Variants in TUNAR observed in about 807,000 individuals in gnomAD.
TUNAR encodes the protein transmembrane neural differentiation associated intracellular calcium regulator, also known as protein TUNAR.
chr14:95,920,791 TCCTTC>T (rs1889686373), intron 2 of TUNAR, among the ~76,000 whole-genome samples: 1 of 152,152 alleles, frequency 6.6e-6, no homozygotes, highest in Non-Finnish European at 1.5e-5. Context: ...CCGTTTGTGA[TCCTTC>T]CTGGATATGT....
intron 2 of TUNAR, among the ~76,000 whole-genome samples, chr14:95,885,005 G>A (rs1889052343): frequency 6.6e-6 from 1 of 152,146 alleles, no homozygotes; most frequent in Admixed American, 6.5e-5. Context: ...GGGAAAGATG[G>A]ACCATGTTGT....
At chr14:95,889,822 C>T (rs1889143813) in intron 2 of TUNAR, among the ~76,000 whole-genome samples, 1 of 152,172 alleles carries the variant, frequency 6.6e-6, no homozygotes, top group African/African-American at 2.4e-5. Context: ...TCTCCTGGCT[C>T]CTGCGTCTGA....
chr14:95,902,726 G>A (rs183967170), intron 2 of TUNAR, among the ~76,000 whole-genome samples: 6 of 152,122 alleles, frequency 3.9e-5, no homozygotes, highest in African/African-American at 9.7e-5. Flanking sequence ...TGCTTTCATC[G>A]TCTATTTGAA....
intron 2 of TUNAR, among the ~76,000 whole-genome samples, chr14:95,908,527 C>T (rs910533004): frequency 1.3e-5 from 2 of 152,216 alleles, no homozygotes; most frequent in African/African-American, 2.4e-5. Context: ...TACGCTGCCT[C>T]GTTTTGTCCT....
At chr14:95,886,545 C>CT (rs1889079532) in intron 2 of TUNAR, among the ~76,000 whole-genome samples, 1 of 152,246 alleles carries the variant, frequency 6.6e-6, no homozygotes, top group African/African-American at 2.4e-5. Context: ...GACTGGCTGA[C>CT]TGCCAGATGG....
At chr14:95,879,995 C>T (rs1595113346) in intron 2 of TUNAR, among the ~76,000 whole-genome samples, 1 of 151,878 alleles carries the variant, frequency 6.6e-6, no homozygotes, top group Non-Finnish European at 1.5e-5. Flanking sequence ...CTGGACTGAT[C>T]GGAGTGTGAG....
chr14:95,917,641 G>A (rs1020055787), intron 2 of TUNAR, among the ~76,000 whole-genome samples: 3 of 152,144 alleles, frequency 2.0e-5, no homozygotes, highest in Non-Finnish European at 4.4e-5. Flanking sequence ...AAGATGGTAT[G>A]TCTTCTTTTT....
At chr14:95,894,168 G>A (rs750635744) in intron 2 of TUNAR, among the ~76,000 whole-genome samples, 1 of 152,240 alleles carries the variant, frequency 6.6e-6, no homozygotes, top group Non-Finnish European at 1.5e-5. Context: ...GAGCATTAAG[G>A]TCCCGTGGGA....
At chr14:95,891,604 A>G (rs1162716932) in intron 2 of TUNAR, among the ~76,000 whole-genome samples, 2 of 152,182 alleles carry the variant, frequency 1.3e-5, no homozygotes, top group African/African-American at 2.4e-5. Flanking sequence ...CTCTGCTGCC[A>G]AGTTCATCTC....
At chr14:95,893,331 G>A (rs1263009442) in intron 2 of TUNAR, among the ~76,000 whole-genome samples, 2 of 152,194 alleles carry the variant, frequency 1.3e-5, no homozygotes, top group Non-Finnish European at 2.9e-5. Context: ...CAGGAACCTG[G>A]AGCAACCTGA....
intron 2 of TUNAR, among the ~76,000 whole-genome samples, chr14:95,883,730 G>A (rs1435212353): frequency 2.0e-5 from 3 of 148,638 alleles, no homozygotes; most frequent in Non-Finnish European, 3.0e-5. Flanking sequence ...CCACCCCCCC[G>A]CCGCCACTCT....
chr14:95,894,517 G>A (rs1402425269), intron 2 of TUNAR, among the ~76,000 whole-genome samples: 2 of 152,232 alleles, frequency 1.3e-5, no homozygotes, highest in Non-Finnish European at 2.9e-5. Flanking sequence ...ACTTGCGGAA[G>A]AGTGTGGTTT....
At chr14:95,896,894 C>T (rs1595119379) in intron 2 of TUNAR, among the ~76,000 whole-genome samples, 1 of 152,218 alleles carries the variant, frequency 6.6e-6, no homozygotes, top group Non-Finnish European at 1.5e-5. Context: ...ATGACACTCT[C>T]CAGCTCCCAG....
chr14:95,884,111 C>T (rs1048545031), intron 2 of TUNAR, among the ~76,000 whole-genome samples: 1 of 152,166 alleles, frequency 6.6e-6, no homozygotes, highest in African/African-American at 2.4e-5. Flanking sequence ...CTCTCTTCAC[C>T]ACGCTTCCCG....
intron 2 of TUNAR, among the ~76,000 whole-genome samples, chr14:95,909,639 C>T (rs1184366714): frequency 1.3e-5 from 2 of 152,154 alleles, no homozygotes; most frequent in Non-Finnish European, 2.9e-5. Context: ...GCTGTCCCTA[C>T]CCCCCATCTC....
At chr14:95,900,273 G>A (rs1426638992) in intron 2 of TUNAR, among the ~76,000 whole-genome samples, 2 of 152,238 alleles carry the variant, frequency 1.3e-5, no homozygotes, top group Non-Finnish European at 2.9e-5. Flanking sequence ...GCACTGTGAG[G>A]CGAAGGGAAG....
In TUNAR at chr14:95,901,628, T is replaced by C. The variant is rs1889355321; in HGVS notation, c.13-21153T>C. 2.0e-5 allele frequency among the ~76,000 whole-genome samples: 3 copies of C among 152,162 alleles called. No individual in the cohort carries two copies. In the South Asian group the frequency reaches 6.2e-4, roughly 32 times the overall value. On this transcript the variant is annotated intron_variant, in intron 2 of 2. Transcript: ENST00000678517. ...TTAACCCCAGGAACCACAACTTCCT[T>C]TTCTGGAAAATGGGCAGATACTCAT...
intron 2 of TUNAR, among the ~76,000 whole-genome samples, chr14:95,915,491 T>C (rs943603333): frequency 1.3e-5 from 2 of 152,156 alleles, no homozygotes; most frequent in Non-Finnish European, 2.9e-5. Context: ...TTAGCCAGGA[T>C]CCAGACCCAT....
At chr14:95,886,440 A>AAG (rs1176222596) in intron 2 of TUNAR, among the ~76,000 whole-genome samples, 2 of 152,154 alleles carry the variant, frequency 1.3e-5, no homozygotes, top group Non-Finnish European at 2.9e-5. Context: ...ATTGCTAAGG[A>AAG]AGAGAGAGAG....
Sources: allele counts gnomAD v4.1 joint callset (sites outside exome capture counted in the v4.1 genomes callset), GRCh38; gene constraint gnomAD v4.1.1; transcripts MANE v1.5; gene names NCBI Gene and HGNC (gene_info 2026-07-23, HGNC 2026-07-21).